OSBPL10: variants seen among roughly 807,000 people sequenced by gnomAD.
OSBPL10 encodes the protein oxysterol binding protein like 10.
In OSBPL10, 49 loss-of-function variants were observed where a neutral mutation model predicts 81.7. The ratio of observed to expected loss-of-function variants is 0.60; its 90% CI spans 0.48 to 0.76. OSBPL10 has a LOEUF of 0.76. OSBPL10 is among the 30% of genes least tolerant of loss of function. The pLI is 0.00. For missense variants in OSBPL10, 923 were observed against 987.8 expected (o/e 0.93, Z 0.88); for synonymous variants, 419 against 383.6 (o/e 1.09, Z -1.08).
At chr3:32,068,249 C>G (rs1007852689) in intron 1 of OSBPL10, among the ~76,000 whole-genome samples, 17 of 152,232 alleles carry the variant, frequency 1.1e-4, no homozygotes, top group African/African-American at 4.1e-4. Context: ...GGTGTTTAAT[C>G]ACTGCGGGGA....
chr3:31,793,242 G>A (rs967419829), intron 4 of OSBPL10, among the ~76,000 whole-genome samples: 22 of 152,092 alleles, frequency 1.4e-4, no homozygotes, highest in African/African-American at 4.8e-4. Flanking sequence ...CTGGGAAAGC[G>A]CGCCTGTCAT....
At chr3:31,756,973 G>A (rs1451500369) in intron 4 of OSBPL10, among the ~76,000 whole-genome samples, 1 of 152,222 alleles carries the variant, frequency 6.6e-6, no homozygotes, top group African/African-American at 2.4e-5. Flanking sequence ...CCACAGAGAA[G>A]GCTGGAGGAG....
At chr3:31,688,627 T>C (rs886288119) in intron 7 of OSBPL10, among the ~76,000 whole-genome samples, 6 of 152,192 alleles carry the variant, frequency 3.9e-5, no homozygotes, top group Non-Finnish European at 1.5e-5. Context: ...TTTGACATGT[T>C]TAAGTTACCC....
intron 2 of OSBPL10, among the ~76,000 whole-genome samples, chr3:32,041,101 C>G (rs1033312017): frequency 6.6e-6 from 1 of 152,076 alleles, no homozygotes; most frequent in Non-Finnish European, 1.5e-5. Context: ...AGAAATTAGC[C>G]CGGAGCCAGC....
In OSBPL10 at chr3:31,930,003, C is replaced by CAAAAAAAAAAAAA. The variant is rs57256301; in HGVS notation, c.282-50186_282-50174dup. Among the ~76,000 whole-genome samples, 8 of 72,568 alleles carry CAAAAAAAAAAAAA rather than the reference C, an allele frequency of 1.1e-4. 1 individual carries two copies. Among genetic ancestry groups the CAAAAAAAAAAAAA allele is most frequent in the African/African-American group, 1.1e-4 (2 of 18,732 alleles). The allele number at this position is 72,568 out of a possible 152,430, so 47.6% of individuals were successfully genotyped here. The stretch of plus-strand genomic sequence containing the variant: ...GATCAAGTGAGACCCTGTCACCAAC[C>CAAAAAAAAAAAAA]AAAAAAAAAAAAAAAAAAAAAAACA... On this transcript the variant is annotated intron_variant, in intron 1 of 11. Coordinates refer to ENST00000396556, the MANE Select transcript of OSBPL10 (RefSeq NM_017784.5).
intron 1 of OSBPL10, among the ~76,000 whole-genome samples, chr3:32,072,268 T>G (rs1198731607): frequency 6.6e-6 from 1 of 151,940 alleles, no homozygotes; most frequent in Non-Finnish European, 1.5e-5. Context: ...GAAGCTGGAG[T>G]CATACACTGC....
chr3:31,763,521 T>C (rs1009524598), intron 4 of OSBPL10, among the ~76,000 whole-genome samples: 1 of 152,254 alleles, frequency 6.6e-6, no homozygotes, highest in Admixed American at 6.5e-5. Flanking sequence ...GCAAGGAGAA[T>C]AGGATGTCTC....
At chr3:31,980,203 C>T (rs188114208) in intron 1 of OSBPL10, among the ~76,000 whole-genome samples, 1 of 152,020 alleles carries the variant, frequency 6.6e-6, no homozygotes, top group African/African-American at 2.4e-5. Context: ...GGGTTTTCAC[C>T]ATGTTGGCGA....
At chr3:31,865,677 T>A (rs1701163029) in intron 3 of OSBPL10, among the ~76,000 whole-genome samples, 2 of 152,202 alleles carry the variant, frequency 1.3e-5, no homozygotes, top group African/African-American at 4.8e-5. Flanking sequence ...AGACACAACA[T>A]TTTAATCATT....
chr3:31,809,800 G>A (rs893984864), intron 4 of OSBPL10, among the ~76,000 whole-genome samples: 1 of 150,936 alleles, frequency 6.6e-6, no homozygotes, highest in African/African-American at 2.4e-5. Flanking sequence ...GAGAAAAGAT[G>A]GACTATTCAA....
rs1212593410 is a variant in OSBPL10 at position 32,065,878 on chromosome 3, A to C, written n.185+11518T>G. Reference sequence around the variant, plus strand: ...AGACTCCAGCCTGGGCAACGGAGCAAGAGAAGAGAGAAAGAGAGACAGAAA... The same window carrying C: ...AGACTCCAGCCTGGGCAACGGAGCACGAGAAGAGAGAAAGAGAGACAGAAA... On this transcript the variant is annotated intron_variant and non_coding_transcript_variant, in intron 1 of 3. Coordinates refer to the OSBPL10 transcript ENST00000479173. Among the ~76,000 whole-genome samples the C allele has an allele frequency of 2.4e-5, 2 of 83,356 alleles. 1 individual carries two copies. Among genetic ancestry groups the C allele is most frequent in the Middle Eastern group, 0.01 (2 of 196 alleles). 54.7% of individuals were successfully genotyped at this position (83,356 alleles called of 152,430 possible). A position where few individuals can be genotyped will look rare whatever the true frequency, so the allele number is the denominator to read the frequency against.
intron 4 of OSBPL10, among the ~76,000 whole-genome samples, chr3:31,773,986 ACCC>A (rs1166842065): frequency 6.6e-5 from 10 of 152,002 alleles, no homozygotes; most frequent in Admixed American, 6.6e-5. Flanking sequence ...ACATGGTGAA[ACCC>A]CGTCTCTACT....
Position 32,017,818 on chromosome 3 carries a change from G to T in OSBPL10, n.298+28673C>A, listed in dbSNP as rs75793536. On this transcript the variant is annotated intron_variant and non_coding_transcript_variant, in intron 2 of 3. Coordinates refer to the OSBPL10 transcript ENST00000479173. Reference sequence around the variant, plus strand: ...AAGTTTCTATAATCCCAGGTGAATTGTGAACAATCACATTCATTGTGTCAC... The same window carrying T: ...AAGTTTCTATAATCCCAGGTGAATTTTGAACAATCACATTCATTGTGTCAC... Among the ~76,000 whole-genome samples, 1,428 of 152,238 alleles carry T rather than the reference G, an allele frequency of 9.4e-3. 53 individuals are homozygous for T. The East Asian group carries it at 0.15, about 16-fold the overall frequency.
chr3:32,001,097 G>T, intron 2 of OSBPL10, among the ~76,000 whole-genome samples: 1 of 152,266 alleles, frequency 6.6e-6, no homozygotes, highest in East Asian at 1.9e-4. Flanking sequence ...ATCTAGGGGC[G>T]CTGTTGTCTG....
chr3:31,721,088 A>C (rs1232029668), intron 6 of OSBPL10, among the ~76,000 whole-genome samples: 3 of 152,082 alleles, frequency 2.0e-5, no homozygotes, highest in African/African-American at 7.2e-5. Flanking sequence ...AGAAGAGGGA[A>C]GTCAGAGGGA....
intron 1 of OSBPL10, among the ~76,000 whole-genome samples, chr3:31,929,367 T>C (rs1697169429): frequency 6.6e-6 from 1 of 152,184 alleles, no homozygotes; most frequent in Non-Finnish European, 1.5e-5. Flanking sequence ...AAAATTAACA[T>C]GTAAAATATG....
At chr3:31,728,229 T>TA (rs1696869519) in intron 6 of OSBPL10, among the ~76,000 whole-genome samples, 3 of 152,238 alleles carry the variant, frequency 2.0e-5, no homozygotes, top group Non-Finnish European at 4.4e-5. Context: ...GGTCTCTTGA[T>TA]AGCATTGTTG....
At chr3:31,768,273 G>A (rs1698262248) in intron 4 of OSBPL10, among the ~76,000 whole-genome samples, 1 of 152,128 alleles carries the variant, frequency 6.6e-6, no homozygotes, top group Non-Finnish European at 1.5e-5. Flanking sequence ...GGTTTTGGTA[G>A]GCATCTCTTT....
intron 1 of OSBPL10, among the ~76,000 whole-genome samples, chr3:31,901,890 T>C (rs2125678037): frequency 6.6e-6 from 1 of 152,130 alleles, no homozygotes; most frequent in Middle Eastern, 3.4e-3. Flanking sequence ...ATCAGCTAGG[T>C]ATGGTGCCGC....
Sources: allele counts gnomAD v4.1 joint callset (sites outside exome capture counted in the v4.1 genomes callset), GRCh38; gene constraint gnomAD v4.1.1; transcripts MANE v1.5; gene names NCBI Gene and HGNC (gene_info 2026-07-23, HGNC 2026-07-21).